The following PUM1 variants were observed in gnomAD, a reference collection of about 807,000 sequenced individuals.
The protein encoded by PUM1 is pumilio homolog 1.
Under a neutral mutation model 131.8 loss-of-function variants are expected in PUM1, and 13 were observed. That is an observed-to-expected ratio of 0.10 (90% CI 0.06 to 0.16). The LOEUF is 0.16. Among genes scored for constraint, PUM1 ranks in the 10% least tolerant of loss-of-function variants. PUM1 has a pLI of 1.00. For missense variants in PUM1, 961 were observed against 1,512.4 expected (o/e 0.64, Z 6.05); for synonymous variants, 509 against 556.5 (o/e 0.91, Z 1.20).
chr1:30,985,307 G>A (rs1024323209), intron 7 of PUM1, among the ~76,000 whole-genome samples: 1 of 152,036 alleles, frequency 6.6e-6, no homozygotes, highest in African/African-American at 2.4e-5. Flanking sequence ...CCAGAGCCAG[G>A]CAGCCCAAGC....
chr1:31,065,473 T>A (rs1310850166), intron 1 of PUM1, 143 bp downstream of exon 1: 2 of 909,758 alleles, frequency 2.2e-6, no homozygotes, highest in Non-Finnish European at 3.1e-6. Flanking sequence ...GAACAGCGAG[T>A]GAGAAGCCTC....
At chr1:31,044,680 C>T (rs1377382461) in intron 2 of PUM1, among the ~76,000 whole-genome samples, 4 of 152,094 alleles carry the variant, frequency 2.6e-5, no homozygotes, top group Non-Finnish European at 1.5e-5. Context: ...AACTACTGAA[C>T]TATATATTTT....
chr1:31,019,988 G>A (rs767769236), intron 3 of PUM1, among the ~76,000 whole-genome samples: 2 of 151,956 alleles, frequency 1.3e-5, no homozygotes, highest in Non-Finnish European at 2.9e-5. Context: ...CTGAGATTTG[G>A]GCTTCAACTG....
At position 31,018,616 on chromosome 1, in the gene PUM1, G is replaced by A. The variant is rs530764931; in HGVS notation, c.432+10180C>T. Among the ~76,000 whole-genome samples the A allele has an allele frequency of 6.6e-4, 101 of 152,130 alleles. 1 individual carries two copies. Among genetic ancestry groups the A allele is most frequent in the Middle Eastern group, 3.4e-3 (1 of 294 alleles). On this transcript the variant is annotated intron_variant, in intron 3 of 21. Transcript: ENST00000426105. ...GAGGTTGCAGTGAGCCAAGATCATGGCACCGTAATCCAGCCTGGGTGACAG... is the reference window on the plus strand; with the variant it reads ...GAGGTTGCAGTGAGCCAAGATCATGACACCGTAATCCAGCCTGGGTGACAG...
At chr1:31,025,343 A>G (rs1643181279) in intron 3 of PUM1, among the ~76,000 whole-genome samples, 1 of 152,152 alleles carries the variant, frequency 6.6e-6, no homozygotes, top group African/African-American at 2.4e-5. Flanking sequence ...AATGGAACCA[A>G]TTCTATTTGA....
At chr1:31,035,038 C>G (rs962909131) in intron 2 of PUM1, among the ~76,000 whole-genome samples, 11 of 152,196 alleles carry the variant, frequency 7.2e-5, no homozygotes, top group African/African-American at 2.7e-4. Context: ...TCTACAGCAT[C>G]TTCTGCACAC....
Position 31,046,692 on chromosome 1 carries a change from G to A in PUM1, c.363+12512C>T, listed in dbSNP as rs562018086. On this transcript the variant is annotated intron_variant, in intron 2 of 21. Transcript: ENST00000426105. ...ACAGCATGTTGGTCAGTCTGGTCTC[G>A]AACTCCTAACCTCGTGATCCACCCA... is the stretch of plus-strand genomic sequence containing the variant. Among the ~76,000 whole-genome samples the A allele has an allele frequency of 1.6e-4, 25 of 151,624 alleles. No individual in the cohort carries two copies. In the South Asian group the frequency reaches 4.8e-3, roughly 29 times the overall value.
chr1:30,983,752 C>T (rs1473066949), intron 7 of PUM1, among the ~76,000 whole-genome samples: 2 of 144,520 alleles, frequency 1.4e-5, no homozygotes, highest in African/African-American at 2.6e-5. Flanking sequence ...TGTCACCACG[C>T]CTGGCATTTT....
At chr1:30,956,414 C>T (rs1468165354) in intron 14 of PUM1, among the ~76,000 whole-genome samples, 2 of 152,226 alleles carry the variant, frequency 1.3e-5, no homozygotes, top group East Asian at 3.9e-4. Flanking sequence ...CAGGTGTGCA[C>T]CACCACGCCC....
intron 5 of PUM1, among the ~76,000 whole-genome samples, chr1:30,996,976 G>A (rs548938651): frequency 6.6e-6 from 1 of 152,210 alleles, no homozygotes; most frequent in African/African-American, 2.4e-5. Context: ...GTTAAAATAA[G>A]AATGATCTTC....
intron 1 of PUM1, among the ~76,000 whole-genome samples, chr1:31,061,031 G>A (rs1287935918): frequency 6.6e-6 from 1 of 152,130 alleles, no homozygotes; most frequent in Non-Finnish European, 1.5e-5. Flanking sequence ...AGTTGTCACT[G>A]ATTTTTAAAA....
At chr1:31,042,096 G>C (rs940158173) in intron 2 of PUM1, among the ~76,000 whole-genome samples, 1 of 152,088 alleles carries the variant, frequency 6.6e-6, no homozygotes, top group Non-Finnish European at 1.5e-5. Context: ...TCTAAGGTCA[G>C]GAGTTCGAGA....
chr1:30,981,268 GC>G (rs1318162049), intron 8 of PUM1, 43 bp downstream of exon 8: 2 of 1,254,562 alleles, frequency 1.6e-6, no homozygotes, highest in Admixed American at 2.3e-5. Context: ...TCCTAAAATG[GC>G]GGCCACACCT....
At chr1:30,956,122 T>A (rs1217586918) in intron 14 of PUM1, among the ~76,000 whole-genome samples, 2 of 152,238 alleles carry the variant, frequency 1.3e-5, no homozygotes, top group Admixed American at 1.3e-4. Flanking sequence ...TCTGACTCAG[T>A]TTCATCAAGT....
chr1:31,033,939 C>T (rs1488437636), intron 2 of PUM1, among the ~76,000 whole-genome samples: 1 of 152,092 alleles, frequency 6.6e-6, no homozygotes, highest in African/African-American at 2.4e-5. Context: ...CGCACCCAGC[C>T]ATGGAAAATA....
chr1:30,964,513 A>AG, intron 14 of PUM1, among the ~76,000 whole-genome samples, 161 bp downstream of exon 14: 1 of 152,228 alleles, frequency 6.6e-6, no homozygotes, highest in Non-Finnish European at 1.5e-5. Flanking sequence ...TACTATCTAT[A>AG]GGTACAGCCT....
intron 9 of PUM1, among the ~76,000 whole-genome samples, chr1:30,977,592 T>C (rs529602851): frequency 2.0e-4 from 31 of 152,238 alleles, no homozygotes; most frequent in Non-Finnish European, 3.4e-4. Flanking sequence ...CTTCAATTCC[T>C]GTGTGACTGA....
intron 1 of PUM1, among the ~76,000 whole-genome samples, chr1:31,061,244 G>A (rs1042192000): frequency 2.6e-5 from 4 of 152,146 alleles, no homozygotes; most frequent in Non-Finnish European, 5.9e-5. Context: ...AGAATCGCTT[G>A]AGCCAGGAGC....
chr1:31,023,128 C>T (rs1039432972), intron 3 of PUM1, among the ~76,000 whole-genome samples: 1 of 151,230 alleles, frequency 6.6e-6, no homozygotes, highest in African/African-American at 2.4e-5. Context: ...GAGCTGAGAT[C>T]GCACCACTGC....
Sources: gnomAD v4.1 joint callset for allele counts (sites outside exome capture counted in the v4.1 genomes callset) on GRCh38, gnomAD v4.1.1 for gene constraint, MANE v1.5 for transcripts, NCBI Gene and HGNC (gene_info 2026-07-23, HGNC 2026-07-21) for gene names.